The following PRDM16 variants were observed in gnomAD, a reference collection of about 807,000 sequenced individuals.
PRDM16 encodes the protein histone-lysine N-methyltransferase PRDM16.
A neutral mutation model predicts 110.6 loss-of-function variants in PRDM16; 23 were observed. That is an observed-to-expected ratio of 0.21 (90% CI 0.15 to 0.29). The LOEUF (loss-of-function observed/expected upper bound fraction) is 0.29. Among genes scored for constraint, PRDM16 ranks in the 10% least tolerant of loss-of-function variants. The pLI, the probability that PRDM16 is intolerant of heterozygous loss-of-function variation, is 1.00. For synonymous variants in PRDM16, 799 were observed against 781.8 expected (o/e 1.02, Z -0.37); for missense variants, 1,615 against 1,794.3 (o/e 0.90, Z 1.81).
intron 2 of PRDM16, among the ~76,000 whole-genome samples, chr1:3,242,790 A>T (rs1365440663): frequency 1.3e-5 from 2 of 152,234 alleles, no homozygotes; most frequent in African/African-American, 4.8e-5. Flanking sequence ...GGGGAGGGGA[A>T]AGAAAATCTT....
At chr1:3,150,531 C>T (rs978339785) in intron 1 of PRDM16, among the ~76,000 whole-genome samples, 1 of 152,186 alleles carries the variant, frequency 6.6e-6, no homozygotes, top group Non-Finnish European at 1.5e-5. Flanking sequence ...GCGCTCCAGC[C>T]TGGGTGACAG....
At chr1:3,335,551 T>C (rs1293929814) in intron 3 of PRDM16, among the ~76,000 whole-genome samples, 1 of 148,728 alleles carries the variant, frequency 6.7e-6, no homozygotes, top group Non-Finnish European at 1.5e-5. Context: ...AAACAAGGCT[T>C]CAAACAGAGC....
intron 3 of PRDM16, among the ~76,000 whole-genome samples, chr1:3,247,869 C>G (rs761092036): frequency 6.6e-6 from 1 of 152,238 alleles, no homozygotes; most frequent in Non-Finnish European, 1.5e-5. Flanking sequence ...TCTGGGACCG[C>G]TCCCTCCAGC....
At chr1:3,125,466 C>T (rs1643185149) in intron 1 of PRDM16, among the ~76,000 whole-genome samples, 1 of 152,252 alleles carries the variant, frequency 6.6e-6, no homozygotes, top group Non-Finnish European at 1.5e-5. Context: ...AGGCCCCCCA[C>T]TCAGCGGCTG....
Position 3,186,418 on chromosome 1 carries a change from G to A in PRDM16, c.331G>A (p.Gly111Ser). The change falls in exon 2 of 17, where the codon GGC (glycine) becomes AGC (serine). Residue 111 changes from glycine to serine, a missense_variant. Gly to Ser is a moderately conservative substitution (Grantham distance 56, BLOSUM62 0). This residue lies in a region of PRDM16 where 416 missense variants were observed against 467.1 expected (regional missense o/e 0.89). Transcript: ENST00000270722. ...KRKMEAGERL[G>S]PCVVVPRAAA... The stretch of plus-strand genomic sequence containing the variant: ...GAAGATGGAAGCCGGGGAGAGGCTG[G>A]GCCCCTGCGTGGTGGTGCCCCGGGC... The A allele has an allele frequency of 6.3e-7, 1 of 1,588,250 alleles. No individual in the cohort carries two copies. The highest frequency in any genetic ancestry group is 8.6e-7 in the Non-Finnish European group (1 of 1,167,904).
Position 3,385,301 on chromosome 1 carries a change from A to T in PRDM16, c.573+15A>T. On this transcript the variant is annotated intron_variant, in intron 4 of 16. Coordinates refer to ENST00000270722, the MANE Select transcript of PRDM16 (RefSeq NM_022114.4). ...TCAGTGAGCAGGTAGGTCCGGGCTC[A>T]TAACAGGGGCTTCTGCCTCTTGGAA... 6.2e-7 allele frequency: 1 copy of T among 1,613,090 alleles called. No homozygotes were observed.
At chr1:3,200,902 C>T (rs186004177) in intron 2 of PRDM16, among the ~76,000 whole-genome samples, 5 of 150,564 alleles carry the variant, frequency 3.3e-5, no homozygotes, top group Non-Finnish European at 4.4e-5. Context: ...AGAGCCGAAC[C>T]GGGGGCAGAG....
chr1:3,390,499 G>C lies in PRDM16; in HGVS notation c.573+5213G>C, dbSNP rs1415263582. Among the ~76,000 whole-genome samples, 1 of 152,180 alleles carries C rather than the reference G, an allele frequency of 6.6e-6. No homozygotes were observed. Among genetic ancestry groups the C allele is most frequent in the Non-Finnish European group, 1.5e-5 (1 of 68,032 alleles). On this transcript the variant is annotated intron_variant, in intron 4 of 16. Coordinates refer to ENST00000270722, the MANE Select transcript of PRDM16 (RefSeq NM_022114.4). This position sits in a 1 kb window ranked among gnomAD's most constrained non-coding sequence, Gnocchi z 5.0. ...CCCAGGGCCTTCCAGGGGCAGAGCA[G>C]GGGTCCCGGCGCCCGCCGTGGAGCA... is the stretch of plus-strand genomic sequence containing the variant.
chr1:3,072,572 A>G (rs898843276), intron 1 of PRDM16, among the ~76,000 whole-genome samples: 1 of 152,210 alleles, frequency 6.6e-6, no homozygotes, highest in Admixed American at 6.5e-5. Context: ...GGGTAGAGGT[A>G]AGCGGGGCTG....
At chr1:3,427,285 C>T (rs1158744885) in intron 14 of PRDM16, among the ~76,000 whole-genome samples, 1 of 152,206 alleles carries the variant, frequency 6.6e-6, no homozygotes, top group Admixed American at 6.5e-5. Flanking sequence ...TGGCAGAGAA[C>T]CGAAGGTGTT....
intron 1 of PRDM16, among the ~76,000 whole-genome samples, chr1:3,070,824 G>A (rs940865861): frequency 2.6e-5 from 4 of 152,182 alleles, no homozygotes; most frequent in African/African-American, 9.6e-5. Flanking sequence ...AGTTTGTGCC[G>A]GACGCTCCTG....
intron 3 of PRDM16, among the ~76,000 whole-genome samples, chr1:3,329,741 G>A (rs1005903015): frequency 1.3e-5 from 2 of 152,230 alleles, no homozygotes; most frequent in Non-Finnish European, 2.9e-5. Context: ...CAGGAGAGTG[G>A]GCAGGGGCAC....
At chr1:3,360,966 G>A (rs1055691026) in intron 3 of PRDM16, among the ~76,000 whole-genome samples, 5 of 152,212 alleles carry the variant, frequency 3.3e-5, no homozygotes, top group African/African-American at 9.6e-5. Context: ...GCTGGCGGCC[G>A]GAGTCTATGC....
chr1:3,426,191 G>A lies in PRDM16; in HGVS notation c.3250G>A (p.Glu1084Lys). ...SEIRNFIANS[E>K]MNQASTRTEK... is the part of the protein sequence containing the mutation. ...AATCAGAAACTTTATTGCCAATAGT[G>A]AGATGAACCAAGCATCAACGCGAAC... The change falls in exon 14 of 17, where the codon GAG (glutamate) becomes AAG (lysine). Residue 1084 changes from glutamate (E) to lysine (K), a missense_variant. Around this residue, in one of 5 missense-constraint regions of PRDM16, gnomAD observed 327 missense variants for 359.3 expected, o/e 0.91. Coordinates refer to ENST00000270722, the MANE Select transcript of PRDM16 (RefSeq NM_022114.4). 6.2e-7 allele frequency: 1 copy of A among 1,613,980 alleles called. No homozygotes were observed. Among genetic ancestry groups the A allele is most frequent in the Non-Finnish European group, 8.5e-7 (1 of 1,179,948 alleles).
chr1:3,392,235 A>C (rs1344788877), intron 4 of PRDM16, among the ~76,000 whole-genome samples: 2 of 152,238 alleles, frequency 1.3e-5, no homozygotes, highest in Non-Finnish European at 2.9e-5. Context: ...AGCCTCTTGC[A>C]CAGTAAACTC....
At chr1:3,413,524 T>C (rs961772221) in intron 9 of PRDM16, among the ~76,000 whole-genome samples, 14 of 151,302 alleles carry the variant, frequency 9.3e-5, no homozygotes, top group Non-Finnish European at 1.8e-4. Flanking sequence ...AGGGCTAGGC[T>C]TGGGGAGGGG....
intron 1 of PRDM16, among the ~76,000 whole-genome samples, chr1:3,127,513 C>A (rs567227154): frequency 1.3e-5 from 2 of 152,198 alleles, no homozygotes; most frequent in Non-Finnish European, 2.9e-5. Flanking sequence ...AGCCTAGCTT[C>A]CCCGGGCACT....
At chr1:3,078,491 C>T (rs1641948513) in intron 1 of PRDM16, among the ~76,000 whole-genome samples, 1 of 152,234 alleles carries the variant, frequency 6.6e-6, no homozygotes, top group South Asian at 2.1e-4. Context: ...GGCTCAGGGC[C>T]TCCTCTCTGC....
intron 2 of PRDM16, among the ~76,000 whole-genome samples, chr1:3,242,979 ACTCTGGGATGGGT>A (rs1639709128): frequency 1.3e-5 from 2 of 152,128 alleles, no homozygotes; most frequent in Admixed American, 6.5e-5. Flanking sequence ...CACAGACAGC[ACTCTGGGATGGGT>A]CACTGAGACG....
Sources: gnomAD v4.1 joint callset for allele counts (sites outside exome capture counted in the v4.1 genomes callset) on GRCh38, gnomAD v4.1.1 for gene constraint, gnomAD v4.1.1 regional missense constraint, Gnocchi (gnomAD v3.1) non-coding constraint, MANE v1.5 for transcripts, NCBI Gene and HGNC (gene_info 2026-07-23, HGNC 2026-07-21) for gene names.